The following NDEL1 variants were observed in gnomAD, a reference collection of about 807,000 sequenced individuals.
NDEL1 encodes the protein nudE neurodevelopment protein 1 like 1, also known as nuclear distribution protein nudE-like 1.
NDEL1 carries 9 observed loss-of-function variants against 45.7 expected under a neutral mutation model. That is an observed-to-expected ratio of 0.20 (90% CI 0.12 to 0.34). NDEL1 has a LOEUF of 0.34. Among genes scored for constraint, NDEL1 ranks in the 10% least tolerant of loss-of-function variants. The pLI, the probability that NDEL1 is intolerant of heterozygous loss-of-function variation, is 1.00. For synonymous variants in NDEL1, 133 were observed against 158.6 expected, an observed-to-expected ratio of 0.84 and a Z score of 1.21; for missense variants, 306 against 406.2, an observed-to-expected ratio of 0.75 and a Z score of 2.12.
intron 6 of NDEL1, among the ~76,000 whole-genome samples, chr17:8,454,076 C>T (rs1176505858): frequency 1.3e-5 from 2 of 151,940 alleles, no homozygotes; most frequent in African/African-American, 4.8e-5. Flanking sequence ...ATTAAATGAT[C>T]TAAATGTAAA....
upstream of NDEL1, among the ~76,000 whole-genome samples, chr17:8,432,360 A>T (rs1188923854): frequency 1.0e-4 from 11 of 109,252 alleles, no homozygotes; most frequent in African/African-American, 2.8e-4. Flanking sequence ...ATAAATATAA[A>T]TATATATATA....
intron 7 of NDEL1, among the ~76,000 whole-genome samples, chr17:8,459,340 CT>C (rs778091311): frequency 1.3e-5 from 2 of 152,116 alleles, no homozygotes; most frequent in Non-Finnish European, 2.9e-5. Context: ...TGGTAGAGCC[CT>C]GTGCTTGCCA....
intron 8 of NDEL1, chr17:8,463,342 A>C (rs890300203): frequency 3.7e-6 from 6 of 1,613,030 alleles, no homozygotes; most frequent in Non-Finnish European, 5.1e-6. Flanking sequence ...CATATTTCCC[A>C]CGTTGTTCAT....
intron 1 of NDEL1, among the ~76,000 whole-genome samples, chr17:8,441,368 A>G (rs905315764): frequency 2.0e-5 from 3 of 152,210 alleles, no homozygotes; most frequent in Non-Finnish European, 2.9e-5. Flanking sequence ...GGAGAATACA[A>G]TTTTGTTCGC....
downstream of NDEL1, among the ~76,000 whole-genome samples, chr17:8,471,600 AC>A (rs1457653556): frequency 6.6e-6 from 1 of 152,174 alleles, no homozygotes; most frequent in East Asian, 1.9e-4. Context: ...GGAGCCTGTT[AC>A]TGGGCTGCTT....
chr17:8,442,855 T>C (rs1478001169), intron 1 of NDEL1, among the ~76,000 whole-genome samples: 1 of 146,902 alleles, frequency 6.8e-6, no homozygotes, highest in African/African-American at 2.5e-5. Context: ...AGTGGCGCAA[T>C]CTTGGCTCAC....
At chr17:8,457,847 C>T (rs1390581079) in intron 7 of NDEL1, among the ~76,000 whole-genome samples, 2 of 151,874 alleles carry the variant, frequency 1.3e-5, no homozygotes, top group African/African-American at 4.8e-5. Flanking sequence ...ACTATATATG[C>T]GTTAATATTT....
chr17:8,467,320 A>C lies in NDEL1; in HGVS notation c.*297A>C, dbSNP rs893297596. ...TTACTTGGTCACTGGATGCAGAAGT[A>C]CCCATTCATCACACCTGCCCCATAG... is the stretch of plus-strand genomic sequence containing the variant. On this transcript the variant is annotated 3_prime_UTR_variant, in exon 9 of 9. Transcript: ENST00000334527. This position sits in a 1 kb window ranked among gnomAD's most constrained non-coding sequence, Gnocchi z 6.3. The C allele has an allele frequency of 3.6e-6, 2 of 552,578 alleles. No individual in the cohort carries two copies. The allele number at this position is 552,578 out of a possible 1,614,324, so 34.2% of individuals were successfully genotyped here.
intron 1 of NDEL1, among the ~76,000 whole-genome samples, chr17:8,420,691 A>G (rs1908687770): frequency 6.6e-6 from 1 of 152,272 alleles, no homozygotes; most frequent in Non-Finnish European, 1.5e-5. Context: ...GAAGCCCTTT[A>G]TATAAGCCCT....
intron 6 of NDEL1, among the ~76,000 whole-genome samples, chr17:8,454,398 T>C (rs1299776197): frequency 6.6e-6 from 1 of 151,590 alleles, no homozygotes; most frequent in Non-Finnish European, 1.5e-5. Flanking sequence ...AAAAAGATAA[T>C]ATCTAATATT....
intron 1 of NDEL1, among the ~76,000 whole-genome samples, chr17:8,424,417 T>A (rs1908776729): frequency 6.6e-6 from 1 of 152,276 alleles, no homozygotes; most frequent in African/African-American, 2.4e-5. Context: ...CACACATCCT[T>A]AATACTTCCC....
At chr17:8,434,437 G>A (rs998270036), upstream of NDEL1, among the ~76,000 whole-genome samples, 1 of 151,948 alleles carries the variant, frequency 6.6e-6, no homozygotes, top group Non-Finnish European at 1.5e-5. Context: ...GGCTGGTCTC[G>A]AAGTCCTGGC....
rs375771866 is a variant in NDEL1, at chr17:8,413,765, G to A, written c.-13+496G>A. On this transcript the variant is annotated intron_variant, in intron 1 of 4. Coordinates refer to the NDEL1 transcript ENST00000582812. The stretch of plus-strand genomic sequence containing the variant: ...GTGTTTTCTCATCTACAAAATGTAA[G>A]ACATCTCTATTTTTTTGGATGTTTG... Among the ~76,000 whole-genome samples, 45 of 152,308 alleles carry A rather than the reference G, an allele frequency of 3.0e-4. 2 individuals carry two copies. The East Asian group carries it at 4.4e-3, about 15-fold the overall frequency.
chr17:8,467,515 G>C lies in NDEL1; in HGVS notation c.*492G>C. On this transcript the variant is annotated 3_prime_UTR_variant, in exon 9 of 9. Transcript: ENST00000334527. The surrounding 1 kb of genome is among the most constrained non-coding windows in gnomAD (Gnocchi z 6.3). ...ACTCCACCCCTCACAGTTTGGGCCTGTTTCTGGCAAAGAGTCAGGAAGGTT... is the reference window on the plus strand; with the variant it reads ...ACTCCACCCCTCACAGTTTGGGCCTCTTTCTGGCAAAGAGTCAGGAAGGTT... 9.1e-6 allele frequency: 3 copies of C among 329,932 alleles called. No homozygotes were observed. The highest frequency in any genetic ancestry group is 1.6e-5 in the Non-Finnish European group (3 of 182,480). The allele number at this position is 329,932 out of a possible 1,614,324, so 20.4% of individuals were successfully genotyped here. A position where few individuals can be genotyped will look rare whatever the true frequency, so the allele number is the denominator to read the frequency against.
intron 8 of NDEL1, 25 bp downstream of exon 8, chr17:8,460,185 T>G (rs1327791290): frequency 6.3e-7 from 1 of 1,598,372 alleles, no homozygotes; most frequent in Admixed American, 1.8e-5. Flanking sequence ...TTTTAAGTGA[T>G]AATTTTTTGA....
Position 8,445,762 on chromosome 17 carries a change from A to G in NDEL1, c.138A>G (p.Glu46=). ...TTGAATTCCAGGAAGGAAGCAGAGA[A>G]TTAGAAGCAGAGTTGGAGGCACAAT... The part of the protein sequence containing the change: ...ELVEFQEGSR[E]LEAELEAQLV... Residue 46 remains glutamate, a synonymous_variant, in exon 3 of 9, where the codon GAA becomes GAG. Transcript: ENST00000334527. 1 of 1,602,570 alleles carries G rather than the reference A, an allele frequency of 6.2e-7. No individual in the cohort carries two copies. Among genetic ancestry groups the G allele is most frequent in the Non-Finnish European group, 8.5e-7 (1 of 1,176,052 alleles).
downstream of NDEL1, among the ~76,000 whole-genome samples, chr17:8,472,478 G>A (rs1335076874): frequency 2.6e-5 from 4 of 152,236 alleles, no homozygotes; most frequent in South Asian, 2.1e-4. Flanking sequence ...GTCCAACATG[G>A]TGAAACCCCG....
intron 8 of NDEL1, among the ~76,000 whole-genome samples, chr17:8,460,837 G>A (rs1911150048): frequency 6.6e-6 from 1 of 152,118 alleles, no homozygotes; most frequent in South Asian, 2.1e-4. Context: ...ACACAGTTAC[G>A]GGATTATACT....
chr17:8,463,223 T>C, intron 8 of NDEL1: 1 of 881,968 alleles, frequency 1.1e-6, no homozygotes, highest in South Asian at 1.6e-5. Context: ...TCTGAGTTCT[T>C]TTGGGCTGTG....
Sources: gnomAD v4.1 joint callset for allele counts (sites outside exome capture counted in the v4.1 genomes callset) on GRCh38, gnomAD v4.1.1 for gene constraint, Gnocchi (gnomAD v3.1) non-coding constraint, MANE v1.5 for transcripts, NCBI Gene and HGNC (gene_info 2026-07-23, HGNC 2026-07-21) for gene names.